POU6F1: variants seen among roughly 807,000 people sequenced by gnomAD.
POU6F1 encodes POU class 6 homeobox 1.
In POU6F1, 9 loss-of-function variants were observed where a neutral mutation model predicts 28.9. The observed-to-expected ratio is 0.31, with a 90% confidence interval of 0.19 to 0.54. The LOEUF is 0.54. Ranked by LOEUF, POU6F1 falls within the 20% of genes least tolerant of loss-of-function variation. The pLI is 0.94. For synonymous variants in POU6F1, 173 were observed against 171.1 expected (o/e 1.01, Z -0.09); for missense variants, 338 against 426.1 (o/e 0.79, Z 1.82).
Position 51,192,436 on chromosome 12 carries a change from C to G in POU6F1, c.1215G>C (p.Gln405His). The G allele has an allele frequency of 6.2e-7, 1 of 1,613,802 alleles. No homozygotes were observed. The highest frequency in any genetic ancestry group is 8.5e-7 in the Non-Finnish European group (1 of 1,180,028). Residue 405 changes from glutamine (Q) to histidine (H), a missense_variant, in exon 9 of 11, where the codon CAG (glutamine) becomes CAC (histidine). Physicochemically the swap from Gln to His is conservative, Grantham distance 24. Transcript: ENST00000333640. ...CTGGGCTGGCAATGACCACAGCAGGCTGGGGCACGGTTGGTGTGGGCTGGA... is the reference window on the plus strand; with the variant it reads ...CTGGGCTGGCAATGACCACAGCAGGGTGGGGCACGGTTGGTGTGGGCTGGA... ...QPIQPTPTVP[Q>H]PAVVIASPAP...
In POU6F1 at chr12:51,192,449, G is replaced by T. The variant is rs764615642; in HGVS notation, c.1202C>A (p.Pro401Gln). The T allele has an allele frequency of 2.5e-6, 4 of 1,613,418 alleles. No homozygotes were observed. The highest frequency in any genetic ancestry group is 3.3e-5 in the Admixed American group (2 of 59,988). ...KSEVQPIQPTPTVPQPAVVIA... is the reference protein window; with the variant it reads ...KSEVQPIQPTQTVPQPAVVIA... The stretch of plus-strand genomic sequence containing the variant: ...GACCACAGCAGGCTGGGGCACGGTT[G>T]GTGTGGGCTGGATGGGCTGCACCTG... The change falls in exon 9 of 11, where the codon CCA (proline) becomes CAA (glutamine). Residue 401 changes from proline to glutamine, a missense_variant. Physicochemically the swap from Pro to Gln is moderately conservative, Grantham distance 76 (BLOSUM62 -1). Around this residue, in one of 3 missense-constraint regions of POU6F1, gnomAD observed 206 missense variants for 225.6 expected, o/e 0.91. Coordinates refer to ENST00000333640, the MANE Select transcript of POU6F1 (RefSeq NM_001330422.2).
intron 1 of POU6F1, among the ~76,000 whole-genome samples, chr12:51,214,157 TAAAA>T (rs1944168839): frequency 6.6e-6 from 1 of 150,912 alleles, no homozygotes; most frequent in African/African-American, 2.4e-5. Flanking sequence ...AATAAATAAA[TAAAA>T]ATAAATAAAT....
chr12:51,193,596 T>TA (rs1005070124), intron 8 of POU6F1, among the ~76,000 whole-genome samples: 1 of 150,716 alleles, frequency 6.6e-6, no homozygotes, highest in Non-Finnish European at 1.5e-5. Context: ...AAAAATAATT[T>TA]AAAAAAAAAG....
chr12:51,215,826 T>C (rs1222679338), intron 1 of POU6F1, among the ~76,000 whole-genome samples: 1 of 152,110 alleles, frequency 6.6e-6, no homozygotes, highest in African/African-American at 2.4e-5. Context: ...CGTTTCCTTA[T>C]CCAAAATGGA....
In POU6F1 at chr12:51,188,362, G is replaced by C. The variant is rs1180104553; in HGVS notation, c.*1885C>G. ...GAGGCAGGTCGATAACCCTGAACTA[G>C]AGTGTGGAGACTCTCTGTTGGAGAC... On this transcript the variant is annotated 3_prime_UTR_variant, in exon 11 of 11. Transcript: ENST00000333640. 6.6e-6 allele frequency: 1 copy of C among 152,224 alleles called. No individual in the cohort carries two copies. Among genetic ancestry groups the C allele is most frequent in the East Asian group, 1.9e-4 (1 of 5,202 alleles). The allele number at this position is 152,224 out of a possible 1,614,324, so 9.4% of individuals were successfully genotyped here.
rs531199798 is a variant in POU6F1 at position 51,217,914 on chromosome 12, G to A, written c.-320C>T. Among the ~76,000 whole-genome samples, 239 of 152,066 alleles carry A rather than the reference G, an allele frequency of 1.6e-3. No homozygotes were observed. The highest frequency in any genetic ancestry group is 5.5e-3 in the African/African-American group (227 of 41,522). Reference sequence around the variant, plus strand: ...GGCGGAGAGGGGACGGCCGGGAAGCGGGAAGGGGAAGCCGGGTGGGGGGGC... The same window carrying A: ...GGCGGAGAGGGGACGGCCGGGAAGCAGGAAGGGGAAGCCGGGTGGGGGGGC... On this transcript the variant is annotated 5_prime_UTR_variant, in exon 1 of 11. Transcript: ENST00000333640. This position sits in a 1 kb window ranked among gnomAD's most constrained non-coding sequence, Gnocchi z 5.3.
At chr12:51,215,706 CTCTT>C (rs1364116742) in intron 1 of POU6F1, among the ~76,000 whole-genome samples, 4 of 152,020 alleles carry the variant, frequency 2.6e-5, no homozygotes, top group Non-Finnish European at 5.9e-5. Context: ...ATCCCACTCT[CTCTT>C]CTGCCTCATG....
rs1942953424 is a variant in POU6F1, at chr12:51,197,986, T to C, written c.630A>G (p.Val210=). ...AGGCCTGTACTGGTGCGGCAGCTTG[T>C]ACCGGTGCCGGAAGAGCGGTGTTCA... The part of the protein sequence containing the change: ...AVLNTALPAP[V]QAAAPVQASS... Residue 210 remains valine, a synonymous_variant, in exon 6 of 11, where the codon GTA becomes GTG. Coordinates refer to ENST00000333640, the MANE Select transcript of POU6F1 (RefSeq NM_001330422.2). 1 of 399,944 alleles carries C rather than the reference T, an allele frequency of 2.5e-6. No individual in the cohort carries two copies. Among genetic ancestry groups the C allele is most frequent in the Non-Finnish European group, 4.4e-6 (1 of 226,796 alleles). 24.8% of individuals were successfully genotyped at this position (399,944 alleles called of 1,614,324 possible).
At position 51,199,524 on chromosome 12, in the gene POU6F1, AAGG is replaced by A. The variant is rs1432462777; in HGVS notation, c.366+220_366+222del. Among the ~76,000 whole-genome samples the A allele has an allele frequency of 3.3e-5, 5 of 152,228 alleles. No individual in the cohort carries two copies. The highest frequency in any genetic ancestry group is 7.3e-5 in the Non-Finnish European group (5 of 68,034). The stretch of plus-strand genomic sequence containing the variant: ...TTATTTCTGCAATCCTGGCAGGCCC[AAGG>A]AGATGATTCTGCAAATGTAGATCCC... On this transcript the variant is annotated intron_variant, in intron 4 of 10. Coordinates refer to ENST00000333640, the MANE Select transcript of POU6F1 (RefSeq NM_001330422.2). The surrounding 1 kb of genome is among the most constrained non-coding windows in gnomAD (Gnocchi z 4.1).
intron 1 of POU6F1, among the ~76,000 whole-genome samples, chr12:51,212,598 T>C (rs1468376692): frequency 3.4e-5 from 5 of 149,016 alleles, no homozygotes; most frequent in Non-Finnish European, 7.4e-5. Flanking sequence ...CTGATCAACA[T>C]GGAGAAACCC....
rs983574821 is a variant in POU6F1 at position 51,217,739 on chromosome 12, G to A, written c.-145C>T. 6.6e-6 allele frequency: 1 copy of A among 151,892 alleles called. No homozygotes were observed. The highest frequency in any genetic ancestry group is 2.4e-5 in the African/African-American group (1 of 41,286). The allele number at this position is 151,892 out of a possible 1,614,324, so 9.4% of individuals were successfully genotyped here. ...GGGCCAGGGGGCCGGGGCCGGGGCC[G>A]GGGCCACGGCGGCCGCCGCCCGCAG... On this transcript the variant is annotated 5_prime_UTR_variant, in exon 1 of 11. Transcript: ENST00000333640. This position sits in a 1 kb window ranked among gnomAD's most constrained non-coding sequence, Gnocchi z 5.3.
rs988233536 is a variant in POU6F1, at chr12:51,205,034, C to T, written c.49-666G>A. Among the ~76,000 whole-genome samples the T allele has an allele frequency of 5.9e-3, 676 of 113,666 alleles. 7 individuals carry two copies. Among genetic ancestry groups the T allele is most frequent in the African/African-American group, 0.022 (638 of 29,004 alleles). The allele number at this position is 113,666 out of a possible 152,430, so 74.6% of individuals were successfully genotyped here. ...GCCTGGCACCGCTCCTGGACTGCAG[C>T]TTTTTTTTTTTTTTTTTTTTTTGAG... On this transcript the variant is annotated intron_variant, in intron 2 of 10. Transcript: ENST00000333640.
At position 51,204,383 on chromosome 12, in the gene POU6F1, CA is replaced by C. The variant is rs942250126; in HGVS notation, c.49-16del. ...ATCACGATGACCTGCAAGCAGAGGA[CA>C]GGGGCACTGTTGGGATAGGGGCCAG... On this transcript the variant is annotated splice_polypyrimidine_tract_variant and intron_variant, in intron 2 of 10. Transcript: ENST00000333640. The C allele has an allele frequency of 1.3e-5, 5 of 399,040 alleles. No individual in the cohort carries two copies. Among genetic ancestry groups the C allele is most frequent in the African/African-American group, 8.2e-5 (4 of 48,570 alleles). The allele number at this position is 399,040 out of a possible 1,614,324, so 24.7% of individuals were successfully genotyped here. A position where few individuals can be genotyped will look rare whatever the true frequency, so the allele number is the denominator to read the frequency against.
intron 1 of POU6F1, 119 bp from the exon 2 acceptor site, chr12:51,207,002 A>C: frequency 5.2e-6 from 2 of 381,064 alleles, no homozygotes; most frequent in Non-Finnish European, 4.6e-6. Flanking sequence ...TCTCCCAAGT[A>C]TCTGTAGAGG....
At position 51,217,340 on chromosome 12, in the gene POU6F1, CG is replaced by C. The variant is rs1944338162; in HGVS notation, c.-48+301del. On this transcript the variant is annotated intron_variant, in intron 1 of 10. Coordinates refer to ENST00000333640, the MANE Select transcript of POU6F1 (RefSeq NM_001330422.2). This position sits in a 1 kb window ranked among gnomAD's most constrained non-coding sequence, Gnocchi z 5.3. The stretch of plus-strand genomic sequence containing the variant: ...GAGGGGCCAGGTCGGGGTTCCCCAC[CG>C]GGTCCACCTGGCGGCCGCCCCCTCC... Among the ~76,000 whole-genome samples the C allele has an allele frequency of 6.6e-6, 1 of 152,094 alleles. No homozygotes were observed.
rs1943017633 is a variant in POU6F1 at position 51,198,821 on chromosome 12, A to C, written c.367-46T>G. On this transcript the variant is annotated intron_variant, in intron 4 of 10. Transcript: ENST00000333640. ...TCAAAAAGAAAAGAAAAAATAAAAA[A>C]TCAACATTGACAGCGCAAACACTGG... 4 of 398,696 alleles carry C rather than the reference A, an allele frequency of 1.0e-5. No homozygotes were observed. In the East Asian group the frequency reaches 1.4e-4, roughly 14 times the overall value. The allele number at this position is 398,696 out of a possible 1,614,324, so 24.7% of individuals were successfully genotyped here.
chr12:51,191,786 GGGA>G (rs1241842268), intron 9 of POU6F1, 22 bp from the exon 10 acceptor site: 1 of 1,613,462 alleles, frequency 6.2e-7, no homozygotes, highest in Non-Finnish European at 8.5e-7. Flanking sequence ...GGAGGGAGCA[GGGA>G]TGAGTGTGTA....
In POU6F1 at chr12:51,189,402, T is replaced by C. The variant is rs992087798; in HGVS notation, c.*845A>G. On this transcript the variant is annotated 3_prime_UTR_variant, in exon 11 of 11. Transcript: ENST00000333640. ...AGTCTGCAAGTTCTCTTAACCCACG[T>C]TTTTTTGTGGGAGGGATGGCCATTG... 3.9e-5 allele frequency: 6 copies of C among 152,092 alleles called. No homozygotes were observed. The highest frequency in any genetic ancestry group is 1.4e-4 in the African/African-American group (6 of 41,430). 9.4% of individuals were successfully genotyped at this position (152,092 alleles called of 1,614,324 possible). A position where few individuals can be genotyped will look rare whatever the true frequency, so the allele number is the denominator to read the frequency against.
At chr12:51,213,225 C>A (rs1944119723) in intron 1 of POU6F1, among the ~76,000 whole-genome samples, 1 of 152,198 alleles carries the variant, frequency 6.6e-6, no homozygotes, top group Non-Finnish European at 1.5e-5. Context: ...GCGTGAGCCA[C>A]CGCGCCCGGC....
Sources: gnomAD v4.1 joint callset for allele counts (sites outside exome capture counted in the v4.1 genomes callset) on GRCh38, gnomAD v4.1.1 for gene constraint, gnomAD v4.1.1 regional missense constraint, Gnocchi (gnomAD v3.1) non-coding constraint, MANE v1.5 for transcripts, NCBI Gene and HGNC (gene_info 2026-07-23, HGNC 2026-07-21) for gene names.